Variants in ZNF34 observed in about 807,000 individuals in gnomAD.
ZNF34 encodes zinc finger protein 34 (KOX 32).
A neutral mutation model predicts 14.4 loss-of-function variants in ZNF34; 8 were observed. The observed-to-expected ratio is 0.55, with a 90% confidence interval of 0.33 to 1.00. The LOEUF is 1.00. Among genes scored for constraint, ZNF34 ranks in the 50% least tolerant of loss-of-function variants. ZNF34 has a pLI of 0.03. For synonymous variants in ZNF34, 235 were observed against 247.9 expected (o/e 0.95, Z 0.49); for missense variants, 538 against 674.2 (o/e 0.80, Z 2.24).
chr8:144,778,666 C>A, intron 2 of ZNF34, 141 bp from the exon 3 acceptor site: 1 of 529,328 alleles, frequency 1.9e-6, no homozygotes, highest in Non-Finnish European at 3.2e-6. Context: ...TGCTAGCTGG[C>A]CTCCCGGACA....
At chr8:144,780,877 C>T (rs1402131762) in intron 1 of ZNF34, among the ~76,000 whole-genome samples, 1 of 151,740 alleles carries the variant, frequency 6.6e-6, no homozygotes, top group African/African-American at 2.4e-5. Context: ...TTGCTCACCC[C>T]TGAAATCCCA....
At chr8:144,782,795 C>A (rs1166115993) in intron 1 of ZNF34, among the ~76,000 whole-genome samples, 1 of 120,666 alleles carries the variant, frequency 8.3e-6, no homozygotes, top group Non-Finnish European at 1.6e-5. Flanking sequence ...CAAGATCGTA[C>A]CACTGCACTC....
chr8:144,787,309 A>C lies in ZNF34; in HGVS notation c.-138T>G, dbSNP rs1450600928. The stretch of plus-strand genomic sequence containing the variant: ...CGCCGCCGAGCAGCACGGCAGCCCA[A>C]CCTCGCCCGTTCGGCCCTCCCTCCC... On this transcript the variant is annotated 5_prime_UTR_variant, in exon 1 of 6. Transcript: ENST00000429371. The C allele has an allele frequency of 6.6e-6, 1 of 152,334 alleles. No homozygotes were observed. Among genetic ancestry groups the C allele is most frequent in the Non-Finnish European group, 1.5e-5 (1 of 68,230 alleles). The allele number at this position is 152,334 out of a possible 1,614,324, so 9.4% of individuals were successfully genotyped here.
At position 144,777,671 on chromosome 8, in the gene ZNF34, G is replaced by C; in HGVS notation, c.161-94C>G. The C allele has an allele frequency of 1.4e-6, 2 of 1,433,308 alleles. No individual in the cohort carries two copies. The highest frequency in any genetic ancestry group is 5.0e-5 in the East Asian group (2 of 40,046). The allele number at this position is 1,433,308 out of a possible 1,614,324, so 88.8% of individuals were successfully genotyped here. On this transcript the variant is annotated intron_variant, in intron 4 of 5. Coordinates refer to ENST00000429371, the MANE Select transcript of ZNF34 (RefSeq NM_001286769.2). The surrounding 1 kb of genome is among the most constrained non-coding windows in gnomAD (Gnocchi z 4.8). ...GGGGCTGCAGGGTAAGGGAGGCACA[G>C]GCAGAGGGGGTGATGGAAGCCTGGA...
rs1317223473 is a variant in ZNF34 at position 144,777,530 on chromosome 8, G to A, written c.208C>T (p.Arg70Ter). 4.5e-6 allele frequency: 7 copies of A among 1,553,998 alleles called. No individual in the cohort carries two copies. Among genetic ancestry groups the A allele is most frequent in the South Asian group, 2.4e-5 (2 of 84,164 alleles). Residue 70 changes from arginine (R) to a stop codon, truncating the protein, a stop_gained, in exon 5 of 6, where the codon CGA becomes TGA. Transcript: ENST00000429371. LOFTEE classifies it high-confidence loss of function. The surrounding 1 kb of genome is among the most constrained non-coding windows in gnomAD (Gnocchi z 4.8). Reference sequence around the variant, plus strand: ...TCCAGGACCCAGGGCTCATCCCCTCGCTCCAACTGCGAGATCACTCCAGGC... The same window carrying A: ...TCCAGGACCCAGGGCTCATCCCCTCACTCCAACTGCGAGATCACTCCAGGC... ...PKPGVISQLE[R>*]GDEPWVLDVQ...
At chr8:144,787,123 C>CG (rs34734784) in intron 1 of ZNF34, among the ~76,000 whole-genome samples, 156 bp downstream of exon 1, 207 of 151,932 alleles carry the variant, frequency 1.4e-3, no homozygotes, top group Non-Finnish European at 2.1e-3. Context: ...GGGCCTTGTC[C>CG]GGGGGGTCCC....
intron 2 of ZNF34, 93 bp from the exon 3 acceptor site, chr8:144,778,618 C>A (rs1825680492): frequency 1.0e-6 from 1 of 969,620 alleles, no homozygotes; most frequent in Admixed American, 3.3e-5. Context: ...GCCCTGCCTG[C>A]CTCACTGGTC....
At chr8:144,778,416 C>T in intron 3 of ZNF34, 23 bp downstream of exon 3, 1 of 1,519,860 alleles carries the variant, frequency 6.6e-7, no homozygotes, top group Non-Finnish European at 8.8e-7. Flanking sequence ...AACTTCACTC[C>T]TCCCAGGAGG....
Position 144,773,945 on chromosome 8 carries a change from T to G in ZNF34, c.941A>C (p.Tyr314Ser). ...HQRIHTGEKP[Y>S]KCGECGKHFS... is the part of the protein sequence containing the mutation. Reference sequence around the variant, plus strand: ...GTGCTTCCCACACTCCCCACACTTGTAGGGTTTCTCCCCAGTGTGAATCCT... The same window carrying G: ...GTGCTTCCCACACTCCCCACACTTGGAGGGTTTCTCCCCAGTGTGAATCCT... Residue 314 changes from tyrosine (Y) to serine (S), a missense_variant, in exon 6 of 6, where the codon TAC becomes TCC. Physicochemically the swap from Tyr to Ser is moderately radical, Grantham distance 144 (BLOSUM62 -2). Coordinates refer to ENST00000429371, the MANE Select transcript of ZNF34 (RefSeq NM_001286769.2). The surrounding 1 kb of genome is among the most constrained non-coding windows in gnomAD (Gnocchi z 5.4). 1 of 1,614,130 alleles carries G rather than the reference T, an allele frequency of 6.2e-7. No individual in the cohort carries two copies. The highest frequency in any genetic ancestry group is 8.5e-7 in the Non-Finnish European group (1 of 1,180,032).
chr8:144,778,522 G>A lies in ZNF34; in HGVS notation c.-51C>T. On this transcript the variant is annotated 5_prime_UTR_variant, in exon 3 of 6. Transcript: ENST00000429371. ...GCAGTGAGCAGGAGCTGGTCACTGA[G>A]GAGCTGAGGGAAGAGAACGCAACAA... 4 of 1,569,986 alleles carry A rather than the reference G, an allele frequency of 2.5e-6. No homozygotes were observed. Among genetic ancestry groups the A allele is most frequent in the Admixed American group, 1.9e-5 (1 of 52,288 alleles).
At chr8:144,786,829 G>A (rs1826273313) in intron 1 of ZNF34, among the ~76,000 whole-genome samples, 1 of 152,040 alleles carries the variant, frequency 6.6e-6, no homozygotes, top group African/African-American at 2.4e-5. Context: ...CTAAAGGCAG[G>A]AGGGGCGGCA....
rs538965829 is a variant in ZNF34 at position 144,782,646 on chromosome 8, TG to T, written c.-107-2367del. On this transcript the variant is annotated intron_variant, in intron 1 of 5. Coordinates refer to ENST00000429371, the MANE Select transcript of ZNF34 (RefSeq NM_001286769.2). Reference sequence around the variant, plus strand: ...TGAGCCCAGGAGTTCAAGACCAGCCTGTGCAACATGGCAAAACCCCTCTCTA... The same window carrying T: ...TGAGCCCAGGAGTTCAAGACCAGCCTTGCAACATGGCAAAACCCCTCTCTA... Among the ~76,000 whole-genome samples the T allele has an allele frequency of 4.3e-3, 652 of 151,382 alleles. 4 individuals are homozygous for T. The highest frequency in any genetic ancestry group is 0.015 in the African/African-American group (622 of 41,218).
At chr8:144,782,842 C>CAAAAAAAAAAAAAAAAAAAAAAAAA (rs548252812) in intron 1 of ZNF34, among the ~76,000 whole-genome samples, 5 of 22,966 alleles carry the variant, frequency 2.2e-4, no homozygotes, top group Non-Finnish European at 2.6e-4. Flanking sequence ...AAGCCTATCT[C>CAAAAAAAAAAAAAAAAAAAAAAAAA]AAAAAAAAAA....
At chr8:144,775,591 A>G (rs1825460227) in intron 5 of ZNF34, among the ~76,000 whole-genome samples, 1 of 152,172 alleles carries the variant, frequency 6.6e-6, no homozygotes, top group Non-Finnish European at 1.5e-5. Flanking sequence ...AGTGTTCAGC[A>G]AAAGATGCCC....
At chr8:144,780,568 ACC>A (rs1825802270) in intron 1 of ZNF34, among the ~76,000 whole-genome samples, 1 of 150,400 alleles carries the variant, frequency 6.6e-6, no homozygotes, top group African/African-American at 2.4e-5. Flanking sequence ...CGGGTGGATC[ACC>A]TGAGGTCAGG....
Position 144,779,847 on chromosome 8 carries a change from T to C in ZNF34, c.-55+381A>G, listed in dbSNP as rs1218553432. Among the ~76,000 whole-genome samples the C allele has an allele frequency of 1.3e-5, 2 of 151,738 alleles. No homozygotes were observed. Among genetic ancestry groups the C allele is most frequent in the Non-Finnish European group, 2.9e-5 (2 of 67,964 alleles). ...AACGACAATACTCATTCACTTTACA[T>C]GGAAGAATGAAGACAAAATGTTAAG... is the stretch of plus-strand genomic sequence containing the variant. On this transcript the variant is annotated intron_variant, in intron 2 of 5. Transcript: ENST00000429371. This position sits in a 1 kb window ranked among gnomAD's most constrained non-coding sequence, Gnocchi z 4.1.
chr8:144,773,887 C>T lies in ZNF34; in HGVS notation c.999G>A (p.Gln333=), dbSNP rs150303180. 1.9e-5 allele frequency: 30 copies of T among 1,614,146 alleles called. No individual in the cohort carries two copies. The African/African-American group carries it at 3.7e-4, about 20-fold the overall frequency. ...AGGGTTTCTCTCCGGTGTGGATTCT[C>T]TGGTGATAAATCAGGGAAGAGTAGG... is the stretch of plus-strand genomic sequence containing the variant. The part of the protein sequence containing the change: ...FSAYSSLIYH[Q]RIHTGEKPYK... Residue 333 remains glutamine, a synonymous_variant, in exon 6 of 6, where the codon CAG becomes CAA. Coordinates refer to ENST00000429371, the MANE Select transcript of ZNF34 (RefSeq NM_001286769.2). The surrounding 1 kb of genome is among the most constrained non-coding windows in gnomAD (Gnocchi z 5.4).
intron 1 of ZNF34, among the ~76,000 whole-genome samples, chr8:144,780,836 A>G (rs190746134): frequency 2.0e-5 from 3 of 150,964 alleles, no homozygotes; most frequent in Admixed American, 2.0e-4. Flanking sequence ...TAGGAATAAA[A>G]AAAACACTGC....
chr8:144,774,310 A>T lies in ZNF34; in HGVS notation c.576T>A (p.His192Gln). ...TTTTTTTTGACCTGTGTACACGCTT[A>T]TGGTTGTTGAGATATGATCTCTGTT... The part of the protein sequence containing the change: ...SFEQRSYLNN[H>Q]KRVHRSKKTN... The change falls in exon 6 of 6, where the codon CAT (histidine) becomes CAA (glutamine). Residue 192 changes from histidine (H) to glutamine (Q), a missense_variant. His to Gln is a conservative substitution (Grantham distance 24, BLOSUM62 0). This residue lies in a region of ZNF34 where 431 missense variants were observed against 525.7 expected (regional missense o/e 0.82). Coordinates refer to ENST00000429371, the MANE Select transcript of ZNF34 (RefSeq NM_001286769.2). 6.2e-7 allele frequency: 1 copy of T among 1,612,634 alleles called. No homozygotes were observed. Among genetic ancestry groups the T allele is most frequent in the Non-Finnish European group, 8.5e-7 (1 of 1,179,254 alleles).
Sources: gnomAD v4.1 joint callset for allele counts (sites outside exome capture counted in the v4.1 genomes callset) on GRCh38, gnomAD v4.1.1 for gene constraint, gnomAD v4.1.1 regional missense constraint, Gnocchi (gnomAD v3.1) non-coding constraint, MANE v1.5 for transcripts, NCBI Gene and HGNC (gene_info 2026-07-23, HGNC 2026-07-21) for gene names.